Variants in STXBP6 observed in about 807,000 individuals in gnomAD.
The protein encoded by STXBP6 is syntaxin-binding protein 6.
Under a neutral mutation model 26.9 loss-of-function variants are expected in STXBP6, and 21 were observed. The observed-to-expected ratio is 0.78, with a 90% confidence interval of 0.55 to 1.12. The LOEUF (loss-of-function observed/expected upper bound fraction) is 1.12, where lower values mean the gene tolerates loss of function less well. Ranked by LOEUF, STXBP6 falls within the 50% of genes most tolerant of loss-of-function variation. The pLI, the probability that STXBP6 is intolerant of heterozygous loss-of-function variation, is 0.00. For synonymous variants in STXBP6, 97 were observed against 92.6 expected (o/e 1.05, Z -0.27); for missense variants, 232 against 257.9 (o/e 0.90, Z 0.69).
intron 2 of STXBP6, among the ~76,000 whole-genome samples, chr14:24,879,295 G>A (rs951290237): frequency 5.3e-5 from 8 of 152,138 alleles, no homozygotes; most frequent in Admixed American, 5.2e-4. Flanking sequence ...TTATTACATA[G>A]AGAATGGAAG....
At chr14:24,973,260 T>C (rs1418338998) in intron 2 of STXBP6, among the ~76,000 whole-genome samples, 3 of 151,972 alleles carry the variant, frequency 2.0e-5, no homozygotes. Flanking sequence ...ACTAAAGAAA[T>C]ACAAATATCT....
At chr14:24,962,338 T>A (rs935849867) in intron 2 of STXBP6, among the ~76,000 whole-genome samples, 1 of 120,424 alleles carries the variant, frequency 8.3e-6, no homozygotes, top group Admixed American at 8.3e-5. Context: ...TTTATTTATT[T>A]ATTATTTTTG....
chr14:24,956,222 C>A (rs2073341004), intron 2 of STXBP6, among the ~76,000 whole-genome samples: 1 of 151,972 alleles, frequency 6.6e-6, no homozygotes, highest in Admixed American at 6.6e-5. Context: ...ACTGGAGTTA[C>A]ACTGAAAAGA....
intron 2 of STXBP6, among the ~76,000 whole-genome samples, chr14:24,901,486 C>T (rs535624343): frequency 4.3e-4 from 65 of 152,210 alleles, no homozygotes; most frequent in African/African-American, 1.5e-3. Context: ...TTAGGCATAA[C>T]GTTCCCATAA....
intron 4 of STXBP6, among the ~76,000 whole-genome samples, chr14:24,833,843 T>C (rs552485345): frequency 6.6e-6 from 1 of 152,314 alleles, no homozygotes; most frequent in African/African-American, 2.4e-5. Context: ...GTTATTATGG[T>C]CTAGTGTGAA....
intron 2 of STXBP6, among the ~76,000 whole-genome samples, chr14:24,938,316 T>C (rs2072674767): frequency 6.6e-6 from 1 of 152,176 alleles, no homozygotes; most frequent in Non-Finnish European, 1.5e-5. Context: ...ATCTCTGTAA[T>C]AGCTAATTCA....
At chr14:24,863,273 C>T (rs1179467917) in intron 2 of STXBP6, among the ~76,000 whole-genome samples, 1 of 151,982 alleles carries the variant, frequency 6.6e-6, no homozygotes, top group Non-Finnish European at 1.5e-5. Flanking sequence ...ATGTATAAAT[C>T]CATGAGGGAA....
At chr14:25,045,672 C>T (rs2075716177) in intron 1 of STXBP6, among the ~76,000 whole-genome samples, 1 of 149,198 alleles carries the variant, frequency 6.7e-6, no homozygotes, top group Non-Finnish European at 1.5e-5. Context: ...GGCACGATCT[C>T]GGCTCACTGC....
chr14:24,812,872 A>C (rs2067861738), intron 5 of STXBP6, 140 bp from the exon 6 acceptor site: 4 of 769,182 alleles, frequency 5.2e-6, no homozygotes, highest in Non-Finnish European at 2.2e-6. Context: ...CACCGTTACT[A>C]ATTACAGTAG....
At chr14:24,919,528 C>CT (rs563326736) in intron 2 of STXBP6, among the ~76,000 whole-genome samples, 5,495 of 144,590 alleles carry the variant, frequency 0.038, 288 homozygotes, top group African/African-American at 0.13. Flanking sequence ...TCAATACGCA[C>CT]TTTTTTTTTT....
intron 1 of STXBP6, among the ~76,000 whole-genome samples, chr14:25,036,298 G>A (rs558147433): frequency 6.6e-6 from 1 of 151,524 alleles, no homozygotes; most frequent in East Asian, 2.0e-4. Context: ...TATTCCCAGT[G>A]TCAGTGGAAG....
At chr14:24,859,727 A>G (rs1387384428) in intron 2 of STXBP6, among the ~76,000 whole-genome samples, 1 of 152,208 alleles carries the variant, frequency 6.6e-6, no homozygotes, top group Non-Finnish European at 1.5e-5. Context: ...AGACTCCCAA[A>G]GTCATTATTT....
At chr14:24,845,411 T>C (rs1169102722) in intron 4 of STXBP6, among the ~76,000 whole-genome samples, 1 of 152,138 alleles carries the variant, frequency 6.6e-6, no homozygotes, top group Non-Finnish European at 1.5e-5. Flanking sequence ...AGAGCCAAGG[T>C]AGAAGTATAC....
intron 2 of STXBP6, among the ~76,000 whole-genome samples, chr14:24,888,626 G>C (rs1044811375): frequency 1.3e-5 from 2 of 152,082 alleles, no homozygotes; most frequent in East Asian, 1.9e-4. Flanking sequence ...AGGAGGCTGA[G>C]GCAAGAGAAT....
At chr14:24,944,188 A>C (rs2072900882) in intron 2 of STXBP6, among the ~76,000 whole-genome samples, 1 of 152,196 alleles carries the variant, frequency 6.6e-6, no homozygotes, top group South Asian at 2.1e-4. Context: ...TCAAAGACGG[A>C]GAAACAGTAA....
At chr14:25,023,047 A>C (rs1306210261) in intron 1 of STXBP6, among the ~76,000 whole-genome samples, 7 of 152,224 alleles carry the variant, frequency 4.6e-5, no homozygotes, top group African/African-American at 1.7e-4. Flanking sequence ...AAGTCTCCAA[A>C]AAGCATTTTA....
chr14:24,944,996 C>T (rs2072931310), intron 2 of STXBP6, among the ~76,000 whole-genome samples: 1 of 151,914 alleles, frequency 6.6e-6, no homozygotes, highest in Non-Finnish European at 1.5e-5. Flanking sequence ...CAGTGCTCTC[C>T]AAGGCTTTTA....
chr14:25,045,112 C>A (rs932703599), intron 1 of STXBP6, among the ~76,000 whole-genome samples: 1 of 152,106 alleles, frequency 6.6e-6, no homozygotes, highest in Non-Finnish European at 1.5e-5. Context: ...AATATTAAAT[C>A]ACATATTAAA....
chr14:24,911,402 G>A (rs1414752612), intron 2 of STXBP6, among the ~76,000 whole-genome samples: 2 of 151,234 alleles, frequency 1.3e-5, no homozygotes, highest in Non-Finnish European at 2.9e-5. Context: ...AGAAAGGAAA[G>A]AAAGGAAAGG....
Sources: gnomAD v4.1 joint callset for allele counts (sites outside exome capture counted in the v4.1 genomes callset) on GRCh38, gnomAD v4.1.1 for gene constraint, MANE v1.5 for transcripts, NCBI Gene and HGNC (gene_info 2026-07-23, HGNC 2026-07-21) for gene names.